Variants in RBFOX1 observed in about 807,000 individuals in gnomAD.
RBFOX1 encodes RNA binding fox-1 homolog 1.
Under a neutral mutation model 57.7 loss-of-function variants are expected in RBFOX1, and 8 were observed. The ratio of observed to expected loss-of-function variants is 0.14; its 90% CI spans 0.08 to 0.25. RBFOX1 has a LOEUF of 0.25. Ranked by LOEUF, RBFOX1 falls within the 10% of genes least tolerant of loss-of-function variation. The pLI, the probability that RBFOX1 is intolerant of heterozygous loss-of-function variation, is 1.00. For missense variants in RBFOX1, 611 were observed against 548.5 expected, an observed-to-expected ratio of 1.11 and a Z score of -1.14; for synonymous variants, 326 against 222.4, an observed-to-expected ratio of 1.47 and a Z score of -4.15.
In RBFOX1 at chr16:5,478,925, T is replaced by G. The variant is rs1210482357; in HGVS notation, c.258+11671T>G. Reference sequence around the variant, plus strand: ...TTGGGTTTAGGGATGAGGGCAGAGGTGGGATCCTCACTATCACTAGCTGCA... The same window carrying G: ...TTGGGTTTAGGGATGAGGGCAGAGGGGGGATCCTCACTATCACTAGCTGCA... On this transcript the variant is annotated intron_variant, in intron 2 of 2. Transcript: ENST00000585867. 2.0e-5 allele frequency among the ~76,000 whole-genome samples: 3 copies of G among 152,134 alleles called. No homozygotes were observed. In the East Asian group the frequency reaches 5.8e-4, roughly 29 times the overall value.
chr16:7,471,610 G>T (rs902784789), intron 4 of RBFOX1, among the ~76,000 whole-genome samples: 2 of 152,172 alleles, frequency 1.3e-5, no homozygotes, highest in Non-Finnish European at 2.9e-5. Flanking sequence ...TGAGACGGGG[G>T]TGGAGATGGC....
chr16:6,762,191 A>G (rs1355137089), intron 3 of RBFOX1, among the ~76,000 whole-genome samples: 2 of 151,448 alleles, frequency 1.3e-5, no homozygotes, highest in African/African-American at 2.4e-5. Flanking sequence ...CCATAGGGTT[A>G]TAATTAGAAT....
intron 3 of RBFOX1, among the ~76,000 whole-genome samples, chr16:6,752,950 T>C (rs1428368697): frequency 6.6e-6 from 1 of 152,194 alleles, no homozygotes; most frequent in Non-Finnish European, 1.5e-5. Context: ...ATGTAATAAT[T>C]GTACTTGGTT....
chr16:5,783,215 A>C (rs1032291839), intron 3 of RBFOX1, among the ~76,000 whole-genome samples: 2 of 152,226 alleles, frequency 1.3e-5, no homozygotes, highest in Non-Finnish European at 2.9e-5. Context: ...TCGGCTCTTG[A>C]AGATACAGTT....
chr16:6,774,959 A>G (rs1034193756), intron 3 of RBFOX1, among the ~76,000 whole-genome samples: 1 of 152,028 alleles, frequency 6.6e-6, no homozygotes, highest in East Asian at 1.9e-4. Context: ...CCCTAATCTC[A>G]TCTCCTCTTT....
At chr16:5,292,966 G>T (rs1310048297) in intron 1 of RBFOX1, among the ~76,000 whole-genome samples, 1 of 152,108 alleles carries the variant, frequency 6.6e-6, no homozygotes, top group Non-Finnish European at 1.5e-5. Context: ...TTAACTCCGG[G>T]GTGTCCCACT....
intron 7 of RBFOX1, 150 bp from the exon 8 acceptor site, chr16:7,595,399 T>A (rs572211015): frequency 2.0e-6 from 1 of 505,212 alleles, no homozygotes; most frequent in Non-Finnish European, 3.4e-6. Flanking sequence ...TTATTGCACA[T>A]CTCAGTACTC....
chr16:5,601,718 C>T (rs1298122156), downstream of RBFOX1: 2 of 152,122 alleles, frequency 1.3e-5, no homozygotes, highest in Non-Finnish European at 2.9e-5. Context: ...GGAAATGAGG[C>T]GTGGAGCAGG....
chr16:6,437,320 G>C (rs970993620), intron 2 of RBFOX1, among the ~76,000 whole-genome samples: 18 of 152,144 alleles, frequency 1.2e-4, no homozygotes, highest in African/African-American at 4.3e-4. Flanking sequence ...TTTTTAAAAT[G>C]TGTCTGTGCA....
rs36117809 is a variant in RBFOX1, at chr16:6,981,042, C to CAAAAAAAAAAAAAAAAAAAAAAAA, written c.-15-70998_-15-70997insAAAAAAAAAAAAAAAAAAAAAAAA. 2.3e-3 allele frequency among the ~76,000 whole-genome samples: 179 copies of CAAAAAAAAAAAAAAAAAAAAAAAA among 77,360 alleles called. 16 individuals are homozygous for CAAAAAAAAAAAAAAAAAAAAAAAA. Among genetic ancestry groups the CAAAAAAAAAAAAAAAAAAAAAAAA allele is most frequent in the African/African-American group, 8.4e-3 (106 of 12,670 alleles). The allele number at this position is 77,360 out of a possible 152,430, so 50.8% of individuals were successfully genotyped here. A position where few individuals can be genotyped will look rare whatever the true frequency, so the allele number is the denominator to read the frequency against. On this transcript the variant is annotated intron_variant, in intron 3 of 15. Transcript: ENST00000550418. ...TGGGTGGCAGAGCAAGTCTCAGTCT[C>CAAAAAAAAAAAAAAAAAAAAAAAA]AAAAAAAAAAAAAAAAACACTAAAA... is the stretch of plus-strand genomic sequence containing the variant.
intron 2 of RBFOX1, among the ~76,000 whole-genome samples, chr16:5,548,855 G>T (rs144590185): frequency 1.9e-3 from 290 of 152,214 alleles, no homozygotes; most frequent in Non-Finnish European, 3.5e-3. Flanking sequence ...GTGAGAGAAG[G>T]CTGGGGCCAA....
intron 4 of RBFOX1, among the ~76,000 whole-genome samples, chr16:7,261,824 T>C (rs1164487837): frequency 1.3e-5 from 2 of 152,200 alleles, no homozygotes; most frequent in Non-Finnish European, 2.9e-5. Flanking sequence ...ATTACTGATA[T>C]CCAGACCCTC....
At chr16:6,540,198 G>T (rs757563850) in intron 2 of RBFOX1, among the ~76,000 whole-genome samples, 8 of 151,944 alleles carry the variant, frequency 5.3e-5, no homozygotes, top group Non-Finnish European at 1.2e-4. Flanking sequence ...TTATGTTAAT[G>T]ATTCTTCATT....
intron 2 of RBFOX1, among the ~76,000 whole-genome samples, chr16:6,653,730 AT>A (rs1406405254): frequency 6.6e-6 from 1 of 151,232 alleles, no homozygotes; most frequent in Non-Finnish European, 1.5e-5. Flanking sequence ...TGGATAGAGG[AT>A]GGATAGATGG....
intron 4 of RBFOX1, among the ~76,000 whole-genome samples, chr16:7,179,801 C>G (rs560215826): frequency 6.2e-4 from 94 of 152,144 alleles, no homozygotes; most frequent in African/African-American, 1.9e-3. Context: ...GTGGCATGAT[C>G]TCGGCTCACT....
intron 3 of RBFOX1, among the ~76,000 whole-genome samples, chr16:6,901,201 A>T (rs1161600654): frequency 6.6e-6 from 1 of 152,142 alleles, no homozygotes; most frequent in Non-Finnish European, 1.5e-5. Flanking sequence ...ATATATACAG[A>T]AGGAAGATAA....
In RBFOX1 at chr16:5,474,520, G is replaced by A. The variant is rs75611511; in HGVS notation, c.258+7266G>A. On this transcript the variant is annotated intron_variant, in intron 2 of 2. Coordinates refer to the RBFOX1 transcript ENST00000585867. ...AATACAAAAACTAGCCAAGTGTGGT[G>A]GTGGGCACCTGTAATCCCAGCTATT... 5.4e-3 allele frequency among the ~76,000 whole-genome samples: 815 copies of A among 152,254 alleles called. 49 individuals carry two copies. The East Asian group carries it at 0.13, about 23-fold the overall frequency.
Position 6,711,403 on chromosome 16 carries a change from G to C in RBFOX1, c.-16+56753G>C, listed in dbSNP as rs150367834. On this transcript the variant is annotated intron_variant, in intron 3 of 15. Transcript: ENST00000550418. The stretch of plus-strand genomic sequence containing the variant: ...ATCTTGTCCTATCTCTCCTGATATG[G>C]TTTGACTCTGTGTCCCCACTCAAAT... Among the ~76,000 whole-genome samples, 27 of 152,248 alleles carry C rather than the reference G, an allele frequency of 1.8e-4. 1 individual carries two copies. In the East Asian group the frequency reaches 2.7e-3, roughly 15 times the overall value.
chr16:7,512,527 A>T (rs1232776785), intron 4 of RBFOX1, among the ~76,000 whole-genome samples: 3 of 152,202 alleles, frequency 2.0e-5, no homozygotes, highest in Non-Finnish European at 4.4e-5. Flanking sequence ...AAGTAACTGT[A>T]GGGGGTCCCA....
Sources: allele counts gnomAD v4.1 joint callset (sites outside exome capture counted in the v4.1 genomes callset), GRCh38; gene constraint gnomAD v4.1.1; transcripts MANE v1.5; gene names NCBI Gene and HGNC (gene_info 2026-07-23, HGNC 2026-07-21).